The following OLR1 variants were observed in gnomAD, a reference collection of about 807,000 sequenced individuals.
The protein encoded by OLR1 is oxidized low density lipoprotein receptor 1, also known as oxidized low-density lipoprotein receptor 1.
A neutral mutation model predicts 31.7 loss-of-function variants in OLR1; 23 were observed. That is an observed-to-expected ratio of 0.72 (90% CI 0.52 to 1.03). OLR1 has a LOEUF of 1.03. Ranked by LOEUF, OLR1 falls within the 50% of genes least tolerant of loss-of-function variation. The pLI is 0.00. For missense variants in OLR1, 286 were observed against 315.7 expected (o/e 0.91, Z 0.71); for synonymous variants, 117 against 115.8 (o/e 1.01, Z -0.07).
chr12:10,170,069 G>A (rs1192213877), intron 1 of OLR1, among the ~76,000 whole-genome samples: 4 of 152,216 alleles, frequency 2.6e-5, no homozygotes, highest in Non-Finnish European at 5.9e-5. Context: ...AAGGTTTAGT[G>A]ACTTGCTTAA....
chr12:10,176,239 C>A (rs1394393505), upstream of OLR1, among the ~76,000 whole-genome samples: 3 of 152,106 alleles, frequency 2.0e-5, no homozygotes, highest in African/African-American at 7.2e-5. Context: ...AGAGTTAAAG[C>A]TGCCCCAAGG....
At position 10,159,719 on chromosome 12, in the gene OLR1, G is replaced by T. The variant is rs1320748735; in HGVS notation, c.*161C>A. On this transcript the variant is annotated 3_prime_UTR_variant, in exon 6 of 6. Transcript: ENST00000309539. Reference sequence around the variant, plus strand: ...CTAGAATCAAAAATGTTGACATAAAGGTGCCAGGCTCCTGGAACCCCAGTT... The same window carrying T: ...CTAGAATCAAAAATGTTGACATAAATGTGCCAGGCTCCTGGAACCCCAGTT... The T allele has an allele frequency of 3.6e-6, 2 of 562,218 alleles. No homozygotes were observed. The highest frequency in any genetic ancestry group is 6.1e-6 in the Non-Finnish European group (2 of 329,762). The allele number at this position is 562,218 out of a possible 1,614,324, so 34.8% of individuals were successfully genotyped here.
At position 10,158,463 on chromosome 12, in the gene OLR1, T is replaced by C. The variant is rs1948592125; in HGVS notation, c.*1417A>G. The C allele has an allele frequency of 6.6e-6, 1 of 151,902 alleles. No individual in the cohort carries two copies. Among genetic ancestry groups the C allele is most frequent in the South Asian group, 2.1e-4 (1 of 4,810 alleles). 9.4% of individuals were successfully genotyped at this position (151,902 alleles called of 1,614,324 possible). A position where few individuals can be genotyped will look rare whatever the true frequency, so the allele number is the denominator to read the frequency against. ...TCATACGAGCATCAAGATGGAGACATATGAATCTCAAAATAATTATGCAAA... is the reference window on the plus strand; with the variant it reads ...TCATACGAGCATCAAGATGGAGACACATGAATCTCAAAATAATTATGCAAA... On this transcript the variant is annotated 3_prime_UTR_variant, in exon 6 of 6. Transcript: ENST00000309539.
At chr12:10,167,206 G>T (rs35492478) in intron 2 of OLR1, 2 of 354,464 alleles carry the variant, frequency 5.6e-6, no homozygotes, top group East Asian at 6.3e-5. Context: ...GGCCAGGCAC[G>T]GTGGCTCAGG....
rs530557200 is a variant in OLR1 at position 10,158,502 on chromosome 12, G to T, written c.*1378C>A. Reference sequence around the variant, plus strand: ...TAATTATGCAAAGTGAAAGAAGCCAGACAAAAAAAAAAGACATACTATATG... The same window carrying T: ...TAATTATGCAAAGTGAAAGAAGCCATACAAAAAAAAAAGACATACTATATG... On this transcript the variant is annotated 3_prime_UTR_variant, in exon 6 of 6. Coordinates refer to ENST00000309539, the MANE Select transcript of OLR1 (RefSeq NM_002543.4). 24 of 150,160 alleles carry T rather than the reference G, an allele frequency of 1.6e-4. No individual in the cohort carries two copies. The highest frequency in any genetic ancestry group is 5.6e-4 in the African/African-American group (23 of 40,980). The allele number at this position is 150,160 out of a possible 1,614,324, so 9.3% of individuals were successfully genotyped here. A position where few individuals can be genotyped will look rare whatever the true frequency, so the allele number is the denominator to read the frequency against.
chr12:10,166,691 T>A (rs758164873), intron 3 of OLR1, 21 bp downstream of exon 3: 5 of 1,613,566 alleles, frequency 3.1e-6, no homozygotes, highest in Admixed American at 1.7e-5. Context: ...TATGTCTCCT[T>A]ACCCACCCTT....
Position 10,158,933 on chromosome 12 carries a change from T to C in OLR1, c.*947A>G, listed in dbSNP as rs1237966525. ...GAAGATATATTTCTAATTCCATCTG[T>C]TTCTATTCAGCGATATTTGCATACC... is the stretch of plus-strand genomic sequence containing the variant. On this transcript the variant is annotated 3_prime_UTR_variant, in exon 6 of 6. Coordinates refer to ENST00000309539, the MANE Select transcript of OLR1 (RefSeq NM_002543.4). 1 of 152,220 alleles carries C rather than the reference T, an allele frequency of 6.6e-6. No individual in the cohort carries two copies. The highest frequency in any genetic ancestry group is 1.5e-5 in the Non-Finnish European group (1 of 68,050). 9.4% of individuals were successfully genotyped at this position (152,220 alleles called of 1,614,324 possible).
intron 4 of OLR1, 69 bp from the exon 5 acceptor site, chr12:10,160,531 T>C (rs1430689425): frequency 5.4e-6 from 7 of 1,291,438 alleles, no homozygotes; most frequent in Non-Finnish European, 7.7e-6. Flanking sequence ...AGTCAGTTAG[T>C]GTTGGATCCA....
At position 10,160,617 on chromosome 12, in the gene OLR1, T is replaced by C. The variant is rs1948612365; in HGVS notation, c.565-155A>G. ...GGAAACACTTACTGAAGGCTAGAGA[T>C]ACTACAGAGCCTGTCCGTCCAAGGT... On this transcript the variant is annotated intron_variant, in intron 4 of 5. Coordinates refer to ENST00000309539, the MANE Select transcript of OLR1 (RefSeq NM_002543.4). 4 of 984,188 alleles carry C rather than the reference T, an allele frequency of 4.1e-6. No individual in the cohort carries two copies. The African/African-American group carries it at 4.8e-5, about 12-fold the overall frequency. 61.0% of individuals were successfully genotyped at this position (984,188 alleles called of 1,614,324 possible).
At chr12:10,166,572 C>T in intron 3 of OLR1, 140 bp downstream of exon 3, 1 of 821,192 alleles carries the variant, frequency 1.2e-6, no homozygotes, top group Non-Finnish European at 2.0e-6. Context: ...AAATTGAGAA[C>T]TTCTTGTATA....
At chr12:10,173,939 AC>A (rs2137533505), upstream of OLR1, among the ~76,000 whole-genome samples, 1 of 152,284 alleles carries the variant, frequency 6.6e-6, no homozygotes, top group East Asian at 1.9e-4. Context: ...AAGTACATTT[AC>A]ATTGTTGTGC....
intron 5 of OLR1, among the ~76,000 whole-genome samples, 156 bp from the exon 6 acceptor site, chr12:10,160,177 G>A (rs17174598): frequency 0.4 from 61,128 of 152,110 alleles, 13,753 homozygotes; most frequent in Middle Eastern, 0.57. Context: ...AATGGTTAAT[G>A]AGTAAATCTT....
At chr12:10,167,670 T>G (rs1435753913) in intron 2 of OLR1, 1 of 152,230 alleles carries the variant, frequency 6.6e-6, no homozygotes, top group Non-Finnish European at 1.5e-5. Context: ...TTCTGTCTAC[T>G]CTTCCAGACT....
upstream of OLR1, among the ~76,000 whole-genome samples, chr12:10,173,555 G>C (rs376318374): frequency 4.8e-3 from 722 of 151,826 alleles, 7 homozygotes; most frequent in African/African-American, 0.015. Context: ...TGAGGGGGGG[G>C]GTGGATCACT....
intron 2 of OLR1, chr12:10,167,168 T>C: frequency 1.2e-5 from 6 of 491,034 alleles, no homozygotes; most frequent in Non-Finnish European, 1.8e-5. Context: ...CAAACACTTG[T>C]AATTTTTTTA....
chr12:10,167,332 A>C (rs1227211666), intron 2 of OLR1: 1 of 181,902 alleles, frequency 5.5e-6, no homozygotes, highest in Non-Finnish European at 1.2e-5. Flanking sequence ...CAAAGAAATT[A>C]GCTGAGGGTG....
At chr12:10,167,816 T>C (rs1332773450) in intron 2 of OLR1, among the ~76,000 whole-genome samples, 2 of 151,968 alleles carry the variant, frequency 1.3e-5, no homozygotes, top group East Asian at 3.9e-4. Flanking sequence ...AGGGTGAAGA[T>C]AAAGTGAAGG....
In OLR1 at chr12:10,161,021, A is replaced by G. The variant is rs1053402561; in HGVS notation, c.425-96T>C. ...TGATCCCCTTAGTTCTCTCACGTGCATACTATTTATTTTTGTTTTTGTTTT... is the reference window on the plus strand; with the variant it reads ...TGATCCCCTTAGTTCTCTCACGTGCGTACTATTTATTTTTGTTTTTGTTTT... On this transcript the variant is annotated intron_variant, in intron 3 of 5. Transcript: ENST00000309539. The G allele has an allele frequency of 1.2e-5, 15 of 1,232,860 alleles. No homozygotes were observed. In the South Asian group the frequency reaches 1.8e-4, roughly 15 times the overall value. The allele number at this position is 1,232,860 out of a possible 1,614,324, so 76.4% of individuals were successfully genotyped here. A position where few individuals can be genotyped will look rare whatever the true frequency, so the allele number is the denominator to read the frequency against.
chr12:10,169,282 A>T, intron 1 of OLR1, 107 bp from the exon 2 acceptor site: 1 of 680,272 alleles, frequency 1.5e-6, no homozygotes. Flanking sequence ...TTTATGTTTT[A>T]GTAAATAGAC....
Sources: allele counts gnomAD v4.1 joint callset (sites outside exome capture counted in the v4.1 genomes callset), GRCh38; gene constraint gnomAD v4.1.1; transcripts MANE v1.5; gene names NCBI Gene and HGNC (gene_info 2026-07-23, HGNC 2026-07-21).